ADAMTS17: variants seen among roughly 807,000 people sequenced by gnomAD.
The protein encoded by ADAMTS17 is ADAM metallopeptidase with thrombospondin type 1 motif 17.
Under a neutral mutation model 141.5 loss-of-function variants are expected in ADAMTS17, and 113 were observed. The ratio of observed to expected loss-of-function variants is 0.80; its 90% confidence interval spans 0.69 to 0.93. The LOEUF (loss-of-function observed/expected upper bound fraction) is 0.93. Among genes scored for constraint, ADAMTS17 ranks in the 40% least tolerant of loss-of-function variants. ADAMTS17 has a pLI of 0.00. For missense variants in ADAMTS17, 1,659 were observed against 1,517.9 expected, an observed-to-expected ratio of 1.09 and a Z score of -1.54; for synonymous variants, 768 against 630.6, an observed-to-expected ratio of 1.22 and a Z score of -3.27.
chr15:100,176,002 C>A (rs919921161), intron 8 of ADAMTS17, among the ~76,000 whole-genome samples: 1 of 152,158 alleles, frequency 6.6e-6, no homozygotes, highest in Non-Finnish European at 1.5e-5. Flanking sequence ...ACCCCTAGAC[C>A]ATGGCCTGCC....
chr15:100,116,463 A>G (rs1000300803), intron 13 of ADAMTS17, among the ~76,000 whole-genome samples: 3 of 152,262 alleles, frequency 2.0e-5, no homozygotes, highest in Non-Finnish European at 4.4e-5. Context: ...GATCATCCAC[A>G]TTGGAAAGCC....
In ADAMTS17 at chr15:100,156,743, T is replaced by G. The variant is rs74696106; in HGVS notation, c.1182-1423A>C. On this transcript the variant is annotated intron_variant, in intron 8 of 21. Transcript: ENST00000268070. Reference sequence around the variant, plus strand: ...CAACTGGGTGTGGGCAAGACAACTGTGAAAGATGAATAAATCATAAAAATC... The same window carrying G: ...CAACTGGGTGTGGGCAAGACAACTGGGAAAGATGAATAAATCATAAAAATC... 1.1e-3 allele frequency among the ~76,000 whole-genome samples: 173 copies of G among 152,254 alleles called. 4 individuals are homozygous for G. The East Asian group carries it at 0.03, about 26-fold the overall frequency.
rs866139983 is a variant in ADAMTS17, at chr15:100,318,579, T to C, written c.616+12310A>G. Among the ~76,000 whole-genome samples the C allele has an allele frequency of 1.7e-4, 26 of 152,338 alleles. No homozygotes were observed. The Middle Eastern group carries it at 0.01, about 60-fold the overall frequency. ...TACCTTGATCTTGGGCTTCCCAGAC[T>C]GTAGAACTGTAAGAAATAAATTTCT... is the stretch of plus-strand genomic sequence containing the variant. On this transcript the variant is annotated intron_variant, in intron 3 of 21. Transcript: ENST00000268070.
intron 10 of ADAMTS17, among the ~76,000 whole-genome samples, chr15:100,149,754 A>G (rs973101): frequency 1 from 151,712 of 152,350 alleles, 75,539 homozygotes; most frequent in Middle Eastern, 1. Context: ...GTGTGCTCTC[A>G]CCATTGCTCC....
intron 5 of ADAMTS17, among the ~76,000 whole-genome samples, chr15:100,262,037 A>C (rs1195474635): frequency 6.6e-6 from 1 of 152,106 alleles, no homozygotes; most frequent in African/African-American, 2.4e-5. Flanking sequence ...GCTCTAATGT[A>C]GTTTCAGAAG....
At chr15:99,996,774 T>C (rs912322195) in intron 19 of ADAMTS17, among the ~76,000 whole-genome samples, 1 of 152,132 alleles carries the variant, frequency 6.6e-6, no homozygotes, top group African/African-American at 2.4e-5. Context: ...TTCAGCTATT[T>C]TTTTTTTTGT....
At chr15:100,233,845 C>T (rs2042568462) in intron 7 of ADAMTS17, among the ~76,000 whole-genome samples, 1 of 151,952 alleles carries the variant, frequency 6.6e-6, no homozygotes, top group Non-Finnish European at 1.5e-5. Flanking sequence ...AAGGAGGAGG[C>T]TGAGGCAGAG....
At chr15:100,070,976 C>T (rs4965579) in intron 15 of ADAMTS17, among the ~76,000 whole-genome samples, 26,119 of 149,658 alleles carry the variant, frequency 0.17, 3,881 homozygotes, top group East Asian at 0.54. Flanking sequence ...AAAAGATCAA[C>T]AAAATTGACA....
intron 3 of ADAMTS17, among the ~76,000 whole-genome samples, chr15:100,329,406 A>C (rs559339403): frequency 6.6e-6 from 1 of 151,916 alleles, no homozygotes; most frequent in East Asian, 1.9e-4. Flanking sequence ...GTGGTGGTGC[A>C]CGCCTGTGGT....
intron 7 of ADAMTS17, among the ~76,000 whole-genome samples, chr15:100,206,880 G>A (rs1029133357): frequency 6.6e-6 from 1 of 152,200 alleles, no homozygotes; most frequent in Admixed American, 6.5e-5. Context: ...CAGCATTTCT[G>A]TTTGAATCAC....
At chr15:100,165,357 G>A (rs1029353824) in intron 8 of ADAMTS17, among the ~76,000 whole-genome samples, 18 of 152,170 alleles carry the variant, frequency 1.2e-4, no homozygotes, top group African/African-American at 3.9e-4. Flanking sequence ...TGCACCATCA[G>A]CACATAGGAC....
chr15:100,084,560 G>A (rs1363255031), intron 15 of ADAMTS17, among the ~76,000 whole-genome samples: 1 of 152,210 alleles, frequency 6.6e-6, no homozygotes, highest in Admixed American at 6.5e-5. Flanking sequence ...TTGGGTCCCT[G>A]ACCCCCGAGT....
intron 14 of ADAMTS17, among the ~76,000 whole-genome samples, chr15:100,108,685 G>A (rs771604292): frequency 2.0e-5 from 3 of 152,278 alleles, no homozygotes; most frequent in African/African-American, 7.2e-5. Context: ...TCCTTTAGGC[G>A]CATCTTAGTA....
intron 8 of ADAMTS17, among the ~76,000 whole-genome samples, chr15:100,173,052 G>A (rs1279218109): frequency 6.6e-6 from 1 of 152,182 alleles, no homozygotes; most frequent in Non-Finnish European, 1.5e-5. Flanking sequence ...CTAAGGGGTG[G>A]GGTGGGGAGA....
intron 8 of ADAMTS17, among the ~76,000 whole-genome samples, chr15:100,180,543 ATC>A (rs372942520): frequency 1.2e-4 from 18 of 152,036 alleles, no homozygotes; most frequent in African/African-American, 4.3e-4. Flanking sequence ...TTTTTTTTCT[ATC>A]TCTGTGAAGA....
At chr15:100,207,190 G>T (rs1176701745) in intron 7 of ADAMTS17, among the ~76,000 whole-genome samples, 1 of 152,096 alleles carries the variant, frequency 6.6e-6, no homozygotes, top group Non-Finnish European at 1.5e-5. Context: ...AGAGACACTA[G>T]AGGTATTTCT....
intron 13 of ADAMTS17, among the ~76,000 whole-genome samples, chr15:100,109,663 G>A (rs1170839981): frequency 6.6e-6 from 1 of 152,184 alleles, no homozygotes; most frequent in East Asian, 1.9e-4. Context: ...AGGTACAAAG[G>A]GGACATGTGC....
intron 15 of ADAMTS17, among the ~76,000 whole-genome samples, chr15:100,069,203 A>C (rs889145893): frequency 2.0e-5 from 3 of 152,220 alleles, no homozygotes; most frequent in Non-Finnish European, 2.9e-5. Flanking sequence ...AAAAAGAATA[A>C]AAAGAAATGA....
intron 7 of ADAMTS17, among the ~76,000 whole-genome samples, chr15:100,207,143 C>G (rs2141688964): frequency 6.6e-6 from 1 of 152,210 alleles, no homozygotes; most frequent in South Asian, 2.1e-4. Context: ...AAGGTGGGGC[C>G]CTGATCCAAC....
Sources: allele counts gnomAD v4.1 joint callset (sites outside exome capture counted in the v4.1 genomes callset), GRCh38; gene constraint gnomAD v4.1.1; transcripts MANE v1.5; gene names NCBI Gene and HGNC (gene_info 2026-07-23, HGNC 2026-07-21).